The following SCML4 variants were observed in gnomAD, a reference collection of about 807,000 sequenced individuals.
SCML4 encodes sex comb on midleg-like protein 4.
Under a neutral mutation model 41.1 loss-of-function variants are expected in SCML4, and 34 were observed. The observed-to-expected ratio is 0.83, with a 90% CI of 0.63 to 1.10. The LOEUF is 1.10. SCML4 is among the 50% of genes least tolerant of loss of function. The pLI, the probability that SCML4 is intolerant of heterozygous loss-of-function variation, is 0.00. For synonymous variants in SCML4, 214 were observed against 220.9 expected, an observed-to-expected ratio of 0.97 and a Z score of 0.28; for missense variants, 522 against 534.1, an observed-to-expected ratio of 0.98 and a Z score of 0.22.
chr6:107,784,813 G>A (rs750603854), intron 1 of SCML4, among the ~76,000 whole-genome samples: 1 of 152,318 alleles, frequency 6.6e-6, no homozygotes. Flanking sequence ...GCCCATATGT[G>A]GGGGCTGCAC....
At chr6:107,841,443 G>C in the SCML4 span, among the ~76,000 whole-genome samples, 4 of 152,204 alleles carry the variant, frequency 2.6e-5, no homozygotes, top group Non-Finnish European at 2.9e-5. Context: ...GCCAGCACGG[G>C]GGAAATAGCT....
intron 2 of SCML4, 134 bp from the exon 3 acceptor site, chr6:107,749,947 G>C: frequency 3.6e-6 from 3 of 843,380 alleles, no homozygotes; most frequent in Non-Finnish European, 5.7e-6. Flanking sequence ...CAGTTTCGGG[G>C]CCTGAGCTGC....
At chr6:107,716,451 C>T (rs1274828981) in intron 6 of SCML4, among the ~76,000 whole-genome samples, 1 of 152,168 alleles carries the variant, frequency 6.6e-6, no homozygotes, top group Non-Finnish European at 1.5e-5. Context: ...AAATCCTAAA[C>T]ATATAACTTA....
At chr6:107,723,636 T>G (rs938588214) in intron 5 of SCML4, among the ~76,000 whole-genome samples, 1 of 152,034 alleles carries the variant, frequency 6.6e-6, no homozygotes, top group Non-Finnish European at 1.5e-5. Flanking sequence ...CTGTAAGAAG[T>G]AAAAAGATTG....
chr6:107,719,952 A>G (rs1775200865), intron 6 of SCML4: 3 of 985,480 alleles, frequency 3.0e-6, no homozygotes, highest in South Asian at 9.4e-5. Flanking sequence ...TCAAGCTATT[A>G]CTATAATCCT....
chr6:107,728,427 A>AT (rs1338663110), intron 5 of SCML4, among the ~76,000 whole-genome samples: 11 of 152,164 alleles, frequency 7.2e-5, no homozygotes, highest in African/African-American at 2.7e-4. Flanking sequence ...CCTGGCCAAC[A>AT]TGGTGAAACC....
chr6:107,807,291 A>G (rs1331129479), intron 1 of SCML4, among the ~76,000 whole-genome samples: 1 of 152,206 alleles, frequency 6.6e-6, no homozygotes, highest in Non-Finnish European at 1.5e-5. Context: ...GGGCACTGAC[A>G]GCTGAGTAGC....
intron 1 of SCML4, among the ~76,000 whole-genome samples, chr6:107,804,248 C>CTGTGTGT (rs10636979): frequency 1.3e-5 from 2 of 150,646 alleles, no homozygotes; most frequent in Non-Finnish European, 3.0e-5. Flanking sequence ...AAACATGAAA[C>CTGTGTGT]GTGTGTGTGT....
intron 1 of SCML4, among the ~76,000 whole-genome samples, chr6:107,804,059 AAG>A (rs1450342639): frequency 0.016 from 1,297 of 81,376 alleles, 16 homozygotes; most frequent in African/African-American, 0.068. Context: ...CAAAAAAAAA[AAG>A]AAAAAGAAAA....
chr6:107,775,722 T>C (rs1780888831), intron 1 of SCML4, among the ~76,000 whole-genome samples: 1 of 152,166 alleles, frequency 6.6e-6, no homozygotes, highest in African/African-American at 2.4e-5. Context: ...AAACTGACTT[T>C]AGAAAAAGAA....
At chr6:107,841,528 G>C in the SCML4 span, among the ~76,000 whole-genome samples, 1 of 152,156 alleles carries the variant, frequency 6.6e-6, no homozygotes, top group South Asian at 2.1e-4. Context: ...AAGCCAGACT[G>C]CCTGGACTCA....
chr6:107,768,892 T>C lies in SCML4; in HGVS notation c.156+3280A>G, dbSNP rs78558898. Among the ~76,000 whole-genome samples the C allele has an allele frequency of 1.7e-4, 26 of 152,294 alleles. No individual in the cohort carries two copies. The East Asian group carries it at 4.6e-3, about 27-fold the overall frequency. ...ATTGAAATCCCACTATTAGAGGCAT[T>C]ATAACCAGCTGGCTCAACAGAATGG... On this transcript the variant is annotated intron_variant, in intron 2 of 7. Transcript: ENST00000369020.
chr6:107,737,839 C>T (rs561445249), intron 5 of SCML4, among the ~76,000 whole-genome samples: 9 of 152,230 alleles, frequency 5.9e-5, no homozygotes, highest in Non-Finnish European at 8.8e-5. Flanking sequence ...CTACCTTCAG[C>T]GCTGTGCAAT....
chr6:107,794,034 T>C (rs1299428156), intron 1 of SCML4, among the ~76,000 whole-genome samples: 2 of 152,200 alleles, frequency 1.3e-5, no homozygotes, highest in East Asian at 3.8e-4. Context: ...ATCCCAACCA[T>C]CAATCTCTCT....
intron 4 of SCML4, 164 bp from the exon 5 acceptor site, chr6:107,745,307 T>A: frequency 1.7e-6 from 1 of 592,636 alleles, no homozygotes; most frequent in South Asian, 2.1e-5. Context: ...CTGGTGGGGA[T>A]CCCACCCAGG....
chr6:107,747,680 T>C (rs1213895635), intron 3 of SCML4, among the ~76,000 whole-genome samples: 3 of 151,778 alleles, frequency 2.0e-5, no homozygotes, highest in Non-Finnish European at 4.4e-5. Flanking sequence ...TCATATATGA[T>C]AGATTTCAGT....
intron 6 of SCML4, among the ~76,000 whole-genome samples, chr6:107,715,540 A>T (rs1774690269): frequency 6.6e-6 from 1 of 152,086 alleles, no homozygotes; most frequent in African/African-American, 2.4e-5. Flanking sequence ...TGCCCAAGTC[A>T]GGAAGCTTTT....
chr6:107,777,842 C>T (rs1379075904), intron 1 of SCML4, among the ~76,000 whole-genome samples: 1 of 152,082 alleles, frequency 6.6e-6, no homozygotes, highest in Non-Finnish European at 1.5e-5. Context: ...CCAGATTCCC[C>T]CATCTCCAAA....
At position 107,702,377 on chromosome 6, in the gene SCML4, ATTGT is replaced by A. The variant is rs1315541311; in HGVS notation, c.*2819_*2822del. Among the ~76,000 whole-genome samples the A allele has an allele frequency of 3.3e-5, 5 of 152,276 alleles. No individual in the cohort carries two copies. The East Asian group carries it at 5.8e-4, about 18-fold the overall frequency. The stretch of plus-strand genomic sequence containing the variant: ...AAACTACTCAAGGGATCTCTTTGAC[ATTGT>A]TTGGGGCTGATTTTTATTTGAGAGC... On this transcript the variant is annotated 3_prime_UTR_variant, in exon 8 of 8. Coordinates refer to ENST00000369020, the MANE Select transcript of SCML4 (RefSeq NM_198081.5).
Sources: gnomAD v4.1 joint callset for allele counts (sites outside exome capture counted in the v4.1 genomes callset) on GRCh38, gnomAD v4.1.1 for gene constraint, MANE v1.5 for transcripts, NCBI Gene and HGNC (gene_info 2026-07-23, HGNC 2026-07-21) for gene names.